The following MAK variants were observed in gnomAD, a reference collection of about 807,000 sequenced individuals.
MAK encodes the protein male germ cell associated kinase, also known as serine/threonine-protein kinase MAK.
In MAK, 65 loss-of-function variants were observed where a neutral mutation model predicts 82.6. The ratio of observed to expected loss-of-function variants is 0.79; its 90% CI spans 0.64 to 0.97. The LOEUF (loss-of-function observed/expected upper bound fraction) is 0.97, where lower values mean the gene tolerates loss of function less well. Ranked by LOEUF, MAK falls within the 50% of genes least tolerant of loss-of-function variation. MAK has a pLI of 0.00. For synonymous variants in MAK, 250 were observed against 274.2 expected (o/e 0.91, Z 0.87); for missense variants, 703 against 780.2 (o/e 0.90, Z 1.18).
At chr6:10,775,217 G>T in intron 12 of MAK, 111 bp downstream of exon 12, 1 of 1,322,128 alleles carries the variant, frequency 7.6e-7, no homozygotes, top group Non-Finnish European at 1.1e-6. Flanking sequence ...AAACCTTTGT[G>T]TATCTCCCAA....
At chr6:10,815,571 C>T (rs1237130360) in intron 4 of MAK, among the ~76,000 whole-genome samples, 2 of 152,084 alleles carry the variant, frequency 1.3e-5, no homozygotes, top group East Asian at 3.9e-4. Flanking sequence ...TACAGTGAGC[C>T]ATGTTTGCAC....
chr6:10,824,983 ACT>A (rs932021347), intron 2 of MAK, among the ~76,000 whole-genome samples: 2 of 152,106 alleles, frequency 1.3e-5, no homozygotes, highest in African/African-American at 2.4e-5. Context: ...GTAAATACTC[ACT>A]CTCTCAGCCT....
intron 14 of MAK, among the ~76,000 whole-genome samples, chr6:10,768,219 TAA>T (rs757130370): frequency 1.3e-5 from 2 of 152,196 alleles, no homozygotes; most frequent in Non-Finnish European, 2.9e-5. Flanking sequence ...TCTTGATTTA[TAA>T]GAGTAGATAC....
Position 10,764,242 on chromosome 6 carries a change from C to T in MAK, c.*210G>A. The T allele has an allele frequency of 1.7e-6, 1 of 572,238 alleles. No individual in the cohort carries two copies. The highest frequency in any genetic ancestry group is 3.1e-6 in the Non-Finnish European group (1 of 322,598). 35.4% of individuals were successfully genotyped at this position (572,238 alleles called of 1,614,324 possible). On this transcript the variant is annotated 3_prime_UTR_variant, in exon 15 of 15. Transcript: ENST00000354489. ...TATTCAATACTTTGTAACATCCTAC[C>T]CATATATCAACACTGTGGGCAATGA...
chr6:10,820,614 C>T (rs749829990), intron 2 of MAK, among the ~76,000 whole-genome samples: 6 of 152,118 alleles, frequency 3.9e-5, no homozygotes, highest in African/African-American at 9.7e-5. Context: ...GACTATAAGA[C>T]GAAATAAAGG....
intron 12 of MAK, 72 bp downstream of exon 12, chr6:10,775,256 C>T (rs1773362759): frequency 1.3e-6 from 2 of 1,554,928 alleles, no homozygotes. Context: ...TGGAAGAGCA[C>T]TGCAATATAT....
At position 10,830,263 on chromosome 6, in the gene MAK, T is replaced by C. The variant is rs534695459; in HGVS notation, c.101+285A>G. Among the ~76,000 whole-genome samples, 82 of 150,582 alleles carry C rather than the reference T, an allele frequency of 5.4e-4. 1 individual carries two copies. Among genetic ancestry groups the C allele is most frequent in the African/African-American group, 1.9e-3 (76 of 40,872 alleles). ...TCACTGCAACTTCCACCTCCTGGGTTCAAGCAATTCTCCTGCCTCGGCCTC... is the reference window on the plus strand; with the variant it reads ...TCACTGCAACTTCCACCTCCTGGGTCCAAGCAATTCTCCTGCCTCGGCCTC... On this transcript the variant is annotated intron_variant, in intron 2 of 14. Coordinates refer to ENST00000354489, the MANE Select transcript of MAK (RefSeq NM_001242957.3).
chr6:10,789,807 C>A (rs1774922355), intron 10 of MAK, among the ~76,000 whole-genome samples: 3 of 152,142 alleles, frequency 2.0e-5, no homozygotes, highest in Non-Finnish European at 2.9e-5. Flanking sequence ...AGGCGCCCGC[C>A]ACCACACCCA....
At chr6:10,802,472 AT>A (rs532226711) in intron 7 of MAK, 36 of 162,994 alleles carry the variant, frequency 2.2e-4, no homozygotes, top group South Asian at 1.4e-3. Flanking sequence ...CACCTGGCTA[AT>A]TTTTTTTTGT....
chr6:10,814,384 G>A (rs1474174219), intron 4 of MAK, among the ~76,000 whole-genome samples: 1 of 152,114 alleles, frequency 6.6e-6, no homozygotes. Context: ...GAATTTGAGA[G>A]ATGGCCGGAT....
chr6:10,803,968 G>A (rs1330858995), intron 6 of MAK, 77 bp from the exon 7 acceptor site: 1 of 1,244,670 alleles, frequency 8.0e-7, no homozygotes, highest in Non-Finnish European at 1.2e-6. Context: ...TCTACGCTGT[G>A]TGGTCATGCA....
At chr6:10,806,844 A>G (rs917409293) in intron 6 of MAK, among the ~76,000 whole-genome samples, 1 of 148,818 alleles carries the variant, frequency 6.7e-6, no homozygotes, top group African/African-American at 2.6e-5. Flanking sequence ...TCAGAAGCCA[A>G]GCGGATGCCA....
intron 14 of MAK, among the ~76,000 whole-genome samples, chr6:10,767,714 G>C (rs574716180): frequency 1.3e-5 from 2 of 151,750 alleles, no homozygotes; most frequent in Middle Eastern, 3.4e-3. Context: ...GCTTGAACCC[G>C]GGTGGCAGAG....
At chr6:10,764,836 TAG>T (rs1208754127) in intron 14 of MAK, among the ~76,000 whole-genome samples, 1 of 152,132 alleles carries the variant, frequency 6.6e-6, no homozygotes, top group Non-Finnish European at 1.5e-5. Context: ...CTCCTGCCTG[TAG>T]TCCTAGCACT....
intron 14 of MAK, among the ~76,000 whole-genome samples, chr6:10,765,777 C>T (rs902985304): frequency 6.6e-6 from 1 of 152,124 alleles, no homozygotes; most frequent in African/African-American, 2.4e-5. Flanking sequence ...TGAGCCATCG[C>T]ACCCGGCCCA....
chr6:10,787,858 CAAAAAAA>C (rs56983445), intron 10 of MAK, among the ~76,000 whole-genome samples: 1 of 129,838 alleles, frequency 7.7e-6, no homozygotes. Flanking sequence ...GAGACTGTCT[CAAAAAAA>C]AAAAAAAAAA....
Position 10,796,006 on chromosome 6 carries a change from T to C in MAK, c.1135A>G (p.Met379Val). 6 of 1,613,830 alleles carry C rather than the reference T, an allele frequency of 3.7e-6. No individual in the cohort carries two copies. The highest frequency in any genetic ancestry group is 5.1e-6 in the Non-Finnish European group (6 of 1,179,710). ...CATGACTGGCTACTCACAGTTGGCATGTTTTTGACGATGCTCGGGAATAGC... is the reference window on the plus strand; with the variant it reads ...CATGACTGGCTACTCACAGTTGGCACGTTTTTGACGATGCTCGGGAATAGC... ...QTLFPSIVKNMPTKPNGTLSH... is the reference protein window; with the variant it reads ...QTLFPSIVKNVPTKPNGTLSH... The change falls in exon 9 of 15, where the codon ATG becomes GTG. Residue 379 changes from methionine to valine, a missense_variant. Physicochemically the swap from Met to Val is conservative, Grantham distance 21. Coordinates refer to ENST00000354489, the MANE Select transcript of MAK (RefSeq NM_001242957.3).
chr6:10,814,527 G>A (rs761264500), intron 4 of MAK, among the ~76,000 whole-genome samples: 3 of 151,766 alleles, frequency 2.0e-5, no homozygotes, highest in Middle Eastern at 3.4e-3. Flanking sequence ...AAATTAGCCA[G>A]GTGTGGTAGC....
At chr6:10,830,949 G>C (rs1778770225) in intron 1 of MAK, 72 bp from the exon 2 acceptor site, 1 of 378,300 alleles carries the variant, frequency 2.6e-6, no homozygotes, top group African/African-American at 2.1e-5. Flanking sequence ...TGGCAACTTA[G>C]AGCAAAGGGA....
Sources: allele counts gnomAD v4.1 joint callset (sites outside exome capture counted in the v4.1 genomes callset), GRCh38; gene constraint gnomAD v4.1.1; transcripts MANE v1.5; gene names NCBI Gene and HGNC (gene_info 2026-07-23, HGNC 2026-07-21).